KCNAB1: variants seen among roughly 807,000 people sequenced by gnomAD.
The protein encoded by KCNAB1 is voltage-gated potassium channel subunit beta-1.
KCNAB1 carries 35 observed loss-of-function variants against 64.6 expected under a neutral mutation model. The ratio of observed to expected loss-of-function variants is 0.54; its 90% CI spans 0.41 to 0.72. The LOEUF is 0.72. Among genes scored for constraint, KCNAB1 ranks in the 30% least tolerant of loss-of-function variants. The pLI, the probability that KCNAB1 is intolerant of heterozygous loss-of-function variation, is 0.00. For missense variants in KCNAB1, 401 were observed against 512.9 expected (o/e 0.78, Z 2.11); for synonymous variants, 177 against 183.8 (o/e 0.96, Z 0.30).
At chr3:156,532,013 C>CT (rs61264918) in intron 13 of KCNAB1, among the ~76,000 whole-genome samples, 130,097 of 152,126 alleles carry the variant, frequency 0.86, 55,823 homozygotes, top group East Asian at 0.98. Flanking sequence ...TGCTTTTCCA[C>CT]GGTTTTCCAG....
chr3:156,433,565 G>A (rs1716376956), intron 2 of KCNAB1, among the ~76,000 whole-genome samples: 1 of 152,156 alleles, frequency 6.6e-6, no homozygotes, highest in South Asian at 2.1e-4. Flanking sequence ...AATTAAACAA[G>A]AATGTGATAG....
At chr3:156,306,129 G>T (rs1212361073) in intron 1 of KCNAB1, among the ~76,000 whole-genome samples, 1 of 152,144 alleles carries the variant, frequency 6.6e-6, no homozygotes, top group African/African-American at 2.4e-5. Context: ...ATACTTACAG[G>T]TTAGTATTGA....
chr3:156,435,541 G>T (rs1217758573), intron 2 of KCNAB1, among the ~76,000 whole-genome samples: 1 of 152,158 alleles, frequency 6.6e-6, no homozygotes, highest in African/African-American at 2.4e-5. Flanking sequence ...TGCAATGAAA[G>T]GACAGTGAAT....
intron 2 of KCNAB1, among the ~76,000 whole-genome samples, chr3:156,432,543 A>G (rs1716293862): frequency 6.6e-6 from 1 of 152,230 alleles, no homozygotes; most frequent in African/African-American, 2.4e-5. Flanking sequence ...CTACCAACAC[A>G]TAATTATAGG....
rs1168500694 is a variant in KCNAB1 at position 156,491,938 on chromosome 3, T to C, written c.658+17118T>C. On this transcript the variant is annotated intron_variant, in intron 8 of 13. Coordinates refer to ENST00000490337, the MANE Select transcript of KCNAB1 (RefSeq NM_172160.3). ...GCATAGTATCAGAGAAATTATTCGA[T>C]TCTGGAATGTAATTTGGCTAAATTT... 3.3e-5 allele frequency among the ~76,000 whole-genome samples: 5 copies of C among 152,258 alleles called. No homozygotes were observed. The East Asian group carries it at 9.7e-4, about 29-fold the overall frequency.
At chr3:156,170,749 C>A (rs1412985225) in intron 1 of KCNAB1, among the ~76,000 whole-genome samples, 1 of 152,114 alleles carries the variant, frequency 6.6e-6, no homozygotes, top group African/African-American at 2.4e-5. Flanking sequence ...GCATGCACAC[C>A]CCAAACATTG....
intron 8 of KCNAB1, among the ~76,000 whole-genome samples, chr3:156,496,474 T>C (rs1213703316): frequency 6.6e-6 from 1 of 152,176 alleles, no homozygotes; most frequent in Non-Finnish European, 1.5e-5. Context: ...CTCCTTTGCC[T>C]TCCACCGTAA....
At chr3:156,393,098 T>C (rs1393604735) in intron 1 of KCNAB1, among the ~76,000 whole-genome samples, 1 of 152,200 alleles carries the variant, frequency 6.6e-6, no homozygotes, top group Non-Finnish European at 1.5e-5. Context: ...TTTCCTGTGC[T>C]TCTGTCAGAG....
At chr3:156,444,442 A>T (rs1456142563) in intron 2 of KCNAB1, among the ~76,000 whole-genome samples, 1 of 152,230 alleles carries the variant, frequency 6.6e-6, no homozygotes, top group Non-Finnish European at 1.5e-5. Context: ...GCTGGTAAGC[A>T]CTTAGGAAAT....
intron 1 of KCNAB1, among the ~76,000 whole-genome samples, chr3:156,228,207 G>A (rs1350909011): frequency 6.6e-6 from 1 of 152,064 alleles, no homozygotes; most frequent in Non-Finnish European, 1.5e-5. Context: ...GTCAGATGCT[G>A]TCCTTGCCCT....
intron 1 of KCNAB1, among the ~76,000 whole-genome samples, chr3:156,281,678 C>A (rs982048594): frequency 6.6e-6 from 1 of 151,750 alleles, no homozygotes; most frequent in African/African-American, 2.4e-5. Flanking sequence ...TCAACTTCTT[C>A]CTGGTTTAGT....
At chr3:156,436,794 ATTGC>A (rs1240789084) in intron 2 of KCNAB1, among the ~76,000 whole-genome samples, 1 of 152,074 alleles carries the variant, frequency 6.6e-6, no homozygotes, top group Admixed American at 6.6e-5. Context: ...ATTTGTTTAA[ATTGC>A]TTGTAGACTC....
chr3:156,142,985 C>CA (rs1208013785), intron 1 of KCNAB1: 1 of 1,273,646 alleles, frequency 7.9e-7, no homozygotes, highest in Non-Finnish European at 9.9e-7. Context: ...GGCAGGGACA[C>CA]ACAACCAACA....
intron 1 of KCNAB1, among the ~76,000 whole-genome samples, chr3:156,148,862 T>G (rs1036844916): frequency 6.8e-6 from 1 of 147,656 alleles, no homozygotes. Context: ...TTTCTTTCTT[T>G]TTTTTTTTTG....
chr3:156,278,522 C>CA (rs1175235637), intron 1 of KCNAB1, among the ~76,000 whole-genome samples: 2 of 152,048 alleles, frequency 1.3e-5, no homozygotes, highest in Non-Finnish European at 2.9e-5. Context: ...AGCGGGTGCT[C>CA]AAAAAACATT....
At position 156,468,580 on chromosome 3, in the gene KCNAB1, C is replaced by A. The variant is rs569127052; in HGVS notation, c.571+2894C>A. On this transcript the variant is annotated intron_variant, in intron 7 of 13. Transcript: ENST00000490337. The stretch of plus-strand genomic sequence containing the variant: ...TAGCCTCTGTCTCCTTAACTATAGA[C>A]TATAAATATAAAGGTTACTATATGG... Among the ~76,000 whole-genome samples, 4 of 152,218 alleles carry A rather than the reference C, an allele frequency of 2.6e-5. No homozygotes were observed. In the East Asian group the frequency reaches 7.7e-4, roughly 29 times the overall value.
chr3:156,385,526 T>G lies in KCNAB1; in HGVS notation c.276-36090T>G, dbSNP rs1283784304. On this transcript the variant is annotated intron_variant, in intron 1 of 13. Transcript: ENST00000490337. ...TTTTAATATGCTTTTCAAAAAAGCA[T>G]ATTTAAAACATTATTTCAAAATTAA... 4.0e-5 allele frequency among the ~76,000 whole-genome samples: 6 copies of G among 151,514 alleles called. No individual in the cohort carries two copies. The South Asian group carries it at 8.3e-4, about 21-fold the overall frequency.
intron 1 of KCNAB1, among the ~76,000 whole-genome samples, chr3:156,182,816 A>C (rs1488092918): frequency 6.6e-6 from 1 of 150,780 alleles, no homozygotes; most frequent in Non-Finnish European, 1.5e-5. Flanking sequence ...AGCTTGCCTC[A>C]GCCTCCCGAG....
rs113344750 is a variant in KCNAB1 at position 156,421,439 on chromosome 3, G to A, written c.276-177G>A. Among the ~76,000 whole-genome samples, 229 of 152,330 alleles carry A rather than the reference G, an allele frequency of 1.5e-3. 1 individual carries two copies. Among genetic ancestry groups the A allele is most frequent in the African/African-American group, 4.5e-3 (187 of 41,570 alleles). ...CGCCTGAACAGATTTTGAGCTTCCT[G>A]ATGCCTGAGTGGCCATGCAAGGGAG... On this transcript the variant is annotated intron_variant, in intron 1 of 13. Coordinates refer to ENST00000490337, the MANE Select transcript of KCNAB1 (RefSeq NM_172160.3).
Sources: allele counts gnomAD v4.1 joint callset (sites outside exome capture counted in the v4.1 genomes callset), GRCh38; gene constraint gnomAD v4.1.1; transcripts MANE v1.5; gene names NCBI Gene and HGNC (gene_info 2026-07-23, HGNC 2026-07-21).